Variants in DNAJC5B observed in about 807,000 individuals in gnomAD.
DNAJC5B encodes the protein dnaJ homolog subfamily C member 5B.
Under a neutral mutation model 24.7 loss-of-function variants are expected in DNAJC5B, and 23 were observed. The ratio of observed to expected loss-of-function variants is 0.93; its 90% CI spans 0.67 to 1.32. The LOEUF (loss-of-function observed/expected upper bound fraction) is 1.32, where lower values mean the gene tolerates loss of function less well. Ranked by LOEUF, DNAJC5B falls within the 40% of genes most tolerant of loss-of-function variation. The pLI is 0.00. For missense variants in DNAJC5B, 238 were observed against 240.8 expected, an observed-to-expected ratio of 0.99 and a Z score of 0.08; for synonymous variants, 101 against 90.1, an observed-to-expected ratio of 1.12 and a Z score of -0.68.
intron 5 of DNAJC5B, among the ~76,000 whole-genome samples, chr8:66,081,826 T>G (rs1362971009): frequency 6.6e-6 from 1 of 152,138 alleles, no homozygotes; most frequent in African/African-American, 2.4e-5. Context: ...CTGACCATTT[T>G]TTATTACTGA....
At chr8:66,042,944 A>C (rs1442623454) in intron 1 of DNAJC5B, among the ~76,000 whole-genome samples, 1 of 152,028 alleles carries the variant, frequency 6.6e-6, no homozygotes. Context: ...AAATTCAGGA[A>C]TAACACCTGT....
At chr8:66,054,497 G>A (rs1052880001) in intron 3 of DNAJC5B, among the ~76,000 whole-genome samples, 4 of 152,154 alleles carry the variant, frequency 2.6e-5, no homozygotes, top group Admixed American at 6.5e-5. Context: ...CAAATCCTTA[G>A]CCCACTAATA....
chr8:66,079,680 GA>G (rs1360836126), intron 4 of DNAJC5B, among the ~76,000 whole-genome samples: 1 of 152,202 alleles, frequency 6.6e-6, no homozygotes, highest in Non-Finnish European at 1.5e-5. Flanking sequence ...TCAGAGGCAG[GA>G]GCGCCATCAC....
At chr8:66,066,810 T>G (rs1451784925) in intron 3 of DNAJC5B, among the ~76,000 whole-genome samples, 1 of 152,198 alleles carries the variant, frequency 6.6e-6, no homozygotes, top group Non-Finnish European at 1.5e-5. Context: ...ACTTCACCAC[T>G]ATACAATTCA....
intron 5 of DNAJC5B, among the ~76,000 whole-genome samples, chr8:66,086,259 A>G (rs574892761): frequency 4.6e-5 from 7 of 152,092 alleles, no homozygotes; most frequent in African/African-American, 1.7e-4. Context: ...CTTCCATTCC[A>G]ATCTGTATTC....
chr8:66,061,193 G>T (rs1374755978), intron 3 of DNAJC5B, among the ~76,000 whole-genome samples: 2 of 152,174 alleles, frequency 1.3e-5, no homozygotes, highest in East Asian at 3.9e-4. Flanking sequence ...AGGTGGGAGG[G>T]TCTCTTGAGC....
At chr8:66,058,755 C>G (rs892043631) in intron 3 of DNAJC5B, among the ~76,000 whole-genome samples, 7 of 152,210 alleles carry the variant, frequency 4.6e-5, no homozygotes, top group Non-Finnish European at 8.8e-5. Flanking sequence ...TTCAACCATA[C>G]TTCATTAGTC....
At chr8:66,049,785 A>G (rs532842603) in intron 2 of DNAJC5B, among the ~76,000 whole-genome samples, 1 of 152,358 alleles carries the variant, frequency 6.6e-6, no homozygotes, top group African/African-American at 2.4e-5. Context: ...GGAAGCAATC[A>G]AAGTGAGTGA....
intron 3 of DNAJC5B, among the ~76,000 whole-genome samples, chr8:66,075,070 T>G (rs548300278): frequency 7.2e-5 from 11 of 152,074 alleles, no homozygotes; most frequent in Non-Finnish European, 1.6e-4. Flanking sequence ...TCTTCCTTCC[T>G]GTTTTTTTGT....
At chr8:66,017,081 G>C (rs1805974160), upstream of DNAJC5B, among the ~76,000 whole-genome samples, 2 of 152,092 alleles carry the variant, frequency 1.3e-5, no homozygotes, top group South Asian at 4.2e-4. Context: ...AGAAAGGGCA[G>C]GCATTGGTCT....
At chr8:66,087,341 G>A (rs945948892) in intron 5 of DNAJC5B, among the ~76,000 whole-genome samples, 21 of 152,212 alleles carry the variant, frequency 1.4e-4, no homozygotes, top group Middle Eastern at 3.4e-3. Flanking sequence ...CACCAGGTCC[G>A]TCCCTCAACT....
intron 5 of DNAJC5B, among the ~76,000 whole-genome samples, chr8:66,098,356 C>T (rs1807999851): frequency 6.6e-6 from 1 of 152,054 alleles, no homozygotes; most frequent in African/African-American, 2.4e-5. Flanking sequence ...GTGTGTGCCA[C>T]CACGCCCAGC....
upstream of DNAJC5B, among the ~76,000 whole-genome samples, chr8:66,020,537 GCTCCTCCC>G (rs1358016148): frequency 6.6e-6 from 1 of 150,776 alleles, no homozygotes; most frequent in Non-Finnish European, 1.5e-5. Context: ...TTTACAGATT[GCTCCTCCC>G]TGTCCCTTAC....
In DNAJC5B at chr8:66,100,026, T is replaced by A. The variant is rs770549537; in HGVS notation, c.595T>A (p.Ser199Thr). 6.2e-7 allele frequency: 1 copy of A among 1,613,830 alleles called. No homozygotes were observed. The highest frequency in any genetic ancestry group is 1.1e-5 in the South Asian group (1 of 91,028). Residue 199 changes from serine (S) to threonine (T), a missense_variant, in exon 6 of 6, where the codon TCT becomes ACT. Ser to Thr is a moderately conservative substitution (Grantham distance 58). Transcript: ENST00000276570. ...AGGATCTCGAAGTTATTGCACAGAC[T>A]CTTGATATTGAGCCCTCAGAGAGTC... ...KEGSRSYCTD[S>T]
At chr8:66,088,183 A>G (rs1302689200) in intron 5 of DNAJC5B, among the ~76,000 whole-genome samples, 1 of 152,202 alleles carries the variant, frequency 6.6e-6, no homozygotes, top group Non-Finnish European at 1.5e-5. Flanking sequence ...CGTGGAAGCC[A>G]CCAAGATTTG....
intron 3 of DNAJC5B, among the ~76,000 whole-genome samples, chr8:66,071,401 G>T (rs28873428): frequency 0.041 from 6,166 of 152,234 alleles, 425 homozygotes; most frequent in African/African-American, 0.14. Context: ...GTTATGAACA[G>T]ACACTTCTCA....
intron 5 of DNAJC5B, among the ~76,000 whole-genome samples, chr8:66,090,377 A>G (rs1306844830): frequency 6.6e-6 from 1 of 151,992 alleles, no homozygotes; most frequent in Non-Finnish European, 1.5e-5. Flanking sequence ...AAAATATAAG[A>G]TCTAAATTCA....
chr8:66,048,106 CA>C (rs1806762624), intron 2 of DNAJC5B, among the ~76,000 whole-genome samples: 1 of 152,178 alleles, frequency 6.6e-6, no homozygotes, highest in African/African-American at 2.4e-5. Flanking sequence ...AAAGTATATG[CA>C]AAGCAACCTG....
At chr8:66,016,006 T>C in the DNAJC5B span, among the ~76,000 whole-genome samples, 1,777 of 152,254 alleles carry the variant, frequency 0.012, 31 homozygotes, top group African/African-American at 0.039. Flanking sequence ...GCTGGGTCAT[T>C]TATATATAAC....
Sources: gnomAD v4.1 joint callset for allele counts (sites outside exome capture counted in the v4.1 genomes callset) on GRCh38, gnomAD v4.1.1 for gene constraint, MANE v1.5 for transcripts, NCBI Gene and HGNC (gene_info 2026-07-23, HGNC 2026-07-21) for gene names.